The following GABRB1 variants were observed in gnomAD, a reference collection of about 807,000 sequenced individuals.
GABRB1 encodes gamma-aminobutyric acid type A receptor subunit beta1.
GABRB1 carries 17 observed loss-of-function variants against 51.6 expected under a neutral mutation model. The ratio of observed to expected loss-of-function variants is 0.33; its 90% CI spans 0.23 to 0.49. The LOEUF (loss-of-function observed/expected upper bound fraction) is 0.49. Ranked by LOEUF, GABRB1 falls within the 20% of genes least tolerant of loss-of-function variation. The probability of loss-of-function intolerance (pLI) is 0.99; values close to 1 mark genes in which losing one functional copy is unlikely to be tolerated. For synonymous variants in GABRB1, 247 were observed against 218.9 expected (o/e 1.13, Z -1.14); for missense variants, 410 against 600.6 (o/e 0.68, Z 3.32).
intron 3 of GABRB1, among the ~76,000 whole-genome samples, chr4:47,120,747 C>T (rs1164932012): frequency 6.6e-6 from 1 of 152,046 alleles, no homozygotes; most frequent in East Asian, 1.9e-4. Flanking sequence ...CCCTTCTGAC[C>T]AATTGTGTCT....
intron 3 of GABRB1, among the ~76,000 whole-genome samples, chr4:47,104,266 C>T (rs1177909303): frequency 2.7e-5 from 4 of 149,048 alleles, no homozygotes; most frequent in Non-Finnish European, 4.5e-5. Context: ...ATAATATAGT[C>T]CTCATCTCTA....
chr4:47,060,414 C>G (rs1191253270), intron 3 of GABRB1, among the ~76,000 whole-genome samples: 4 of 151,874 alleles, frequency 2.6e-5, no homozygotes, highest in Admixed American at 1.3e-4. Context: ...AGGGTATTGC[C>G]CCATAACCGC....
chr4:47,358,317 G>GTA (rs1726661966), intron 5 of GABRB1, among the ~76,000 whole-genome samples: 1 of 151,782 alleles, frequency 6.6e-6, no homozygotes, highest in African/African-American at 2.4e-5. Flanking sequence ...ATATGTGTGT[G>GTA]TATATATATA....
intron 3 of GABRB1, among the ~76,000 whole-genome samples, chr4:47,068,194 T>C (rs1264926346): frequency 6.6e-6 from 1 of 152,180 alleles, no homozygotes; most frequent in Non-Finnish European, 1.5e-5. Context: ...ATAGTTAGGG[T>C]CTTGCTCTGG....
At chr4:47,406,431 T>G (rs1728571109) in intron 7 of GABRB1, among the ~76,000 whole-genome samples, 1 of 152,242 alleles carries the variant, frequency 6.6e-6, no homozygotes. Flanking sequence ...TTTTATTTTG[T>G]GCAATTAAAA....
chr4:47,062,353 T>A (rs1416339499), intron 3 of GABRB1, among the ~76,000 whole-genome samples: 1 of 151,492 alleles, frequency 6.6e-6, no homozygotes, highest in Non-Finnish European at 1.5e-5. Flanking sequence ...GTTGTTTTGC[T>A]GATATAATGG....
At chr4:47,353,795 C>T (rs1240653613) in intron 5 of GABRB1, among the ~76,000 whole-genome samples, 1 of 152,138 alleles carries the variant, frequency 6.6e-6, no homozygotes, top group Non-Finnish European at 1.5e-5. Context: ...CAGTAGTAAC[C>T]GAGTTCACAA....
chr4:47,123,605 C>T (rs28463265), intron 3 of GABRB1, among the ~76,000 whole-genome samples: 3 of 29,416 alleles, frequency 1.0e-4, no homozygotes, highest in African/African-American at 2.8e-4. Flanking sequence ...TACATTATTT[C>T]ATATATTATA....
intron 1 of GABRB1, among the ~76,000 whole-genome samples, chr4:46,995,642 A>G (rs1250957402): frequency 6.6e-6 from 1 of 152,168 alleles, no homozygotes; most frequent in Admixed American, 6.5e-5. Context: ...GGTATGACAG[A>G]TGTAAGCCAC....
intron 3 of GABRB1, among the ~76,000 whole-genome samples, chr4:47,063,267 G>A (rs1726920588): frequency 6.6e-6 from 1 of 152,128 alleles, no homozygotes; most frequent in East Asian, 1.9e-4. Flanking sequence ...TATGCCATTT[G>A]AGGAACCTTT....
intron 4 of GABRB1, among the ~76,000 whole-genome samples, chr4:47,282,109 A>G (rs1723313680): frequency 6.6e-6 from 1 of 152,270 alleles, no homozygotes; most frequent in East Asian, 1.9e-4. Context: ...GACTCTTTCT[A>G]TAATAGAAGC....
chr4:47,095,588 T>A (rs1033788429), intron 3 of GABRB1, among the ~76,000 whole-genome samples: 1 of 152,224 alleles, frequency 6.6e-6, no homozygotes, highest in African/African-American at 2.4e-5. Flanking sequence ...TTATGACTCA[T>A]GAAATTCACA....
At chr4:47,205,924 C>T (rs1372495) in intron 4 of GABRB1, among the ~76,000 whole-genome samples, 130,746 of 152,022 alleles carry the variant, frequency 0.86, 56,239 homozygotes, top group Middle Eastern at 0.92. Context: ...TCTCCTTACC[C>T]GTGAATGCTT....
intron 4 of GABRB1, among the ~76,000 whole-genome samples, chr4:47,251,878 C>A (rs756770773): frequency 6.6e-6 from 1 of 152,112 alleles, no homozygotes; most frequent in Non-Finnish European, 1.5e-5. Flanking sequence ...AGGCAGTGGG[C>A]GAGCCAGACT....
At chr4:47,141,592 T>C (rs1716937589) in intron 3 of GABRB1, among the ~76,000 whole-genome samples, 1 of 152,100 alleles carries the variant, frequency 6.6e-6, no homozygotes, top group African/African-American at 2.4e-5. Flanking sequence ...TCTTGACTCA[T>C]TCACATACCT....
chr4:47,222,648 C>T (rs1273420292), intron 4 of GABRB1, among the ~76,000 whole-genome samples: 1 of 152,238 alleles, frequency 6.6e-6, no homozygotes, highest in African/African-American at 2.4e-5. Flanking sequence ...ACTGCATCCA[C>T]ATAAGTGATT....
intron 8 of GABRB1, among the ~76,000 whole-genome samples, chr4:47,407,342 C>T (rs887151322): frequency 1.3e-5 from 2 of 152,176 alleles, no homozygotes; most frequent in African/African-American, 4.8e-5. Flanking sequence ...GGCTTTACAA[C>T]TTCAGCCAAA....
chr4:47,016,526 C>A (rs986405777), intron 1 of GABRB1, among the ~76,000 whole-genome samples: 1 of 151,912 alleles, frequency 6.6e-6, no homozygotes, highest in Non-Finnish European at 1.5e-5. Context: ...TGTTCTTTAC[C>A]GTCCTCTAGG....
chr4:47,245,087 A>G (rs1219633771), intron 4 of GABRB1, among the ~76,000 whole-genome samples: 1 of 152,154 alleles, frequency 6.6e-6, no homozygotes, highest in Non-Finnish European at 1.5e-5. Context: ...AACAAAATTG[A>G]TAGACCGCTA....
Sources: allele counts gnomAD v4.1 joint callset (sites outside exome capture counted in the v4.1 genomes callset), GRCh38; gene constraint gnomAD v4.1.1; transcripts MANE v1.5; gene names NCBI Gene and HGNC (gene_info 2026-07-23, HGNC 2026-07-21).